The following SERF1B variants were observed in gnomAD, a reference collection of about 807,000 sequenced individuals.
The protein encoded by SERF1B is small EDRK-rich factor 1.
At chr5:70,036,512 A>C (rs1187295718) in intron 2 of SERF1B, among the ~76,000 whole-genome samples, 1 of 108,260 alleles carries the variant, frequency 9.2e-6, no homozygotes, top group Non-Finnish European at 1.8e-5. Flanking sequence ...ACCTGAACCC[A>C]GAAGGTCAAG....
At chr5:70,028,832 T>TGG (rs1239614609) in intron 2 of SERF1B, among the ~76,000 whole-genome samples, 2 of 139,538 alleles carry the variant, frequency 1.4e-5, no homozygotes, top group Non-Finnish European at 3.1e-5. Flanking sequence ...AAAAAATTAG[T>TGG]CGGGCGCAGT....
intron 2 of SERF1B, among the ~76,000 whole-genome samples, chr5:70,028,883 A>G (rs1199523104): frequency 6.7e-6 from 1 of 150,216 alleles, no homozygotes; most frequent in Non-Finnish European, 1.5e-5. Flanking sequence ...AGGCTGAGGC[A>G]GGAGACTGGC....
intron 2 of SERF1B, among the ~76,000 whole-genome samples, chr5:70,038,137 T>C (rs1293047090): frequency 6.8e-6 from 1 of 147,014 alleles, no homozygotes; most frequent in African/African-American, 2.6e-5. Context: ...CTGGCTATAA[T>C]TGACATAATC....
chr5:70,041,390 G>A, intron 2 of SERF1B, 134 bp from the exon 3 acceptor site: 1 of 692,260 alleles, frequency 1.4e-6, no homozygotes, highest in Non-Finnish European at 2.7e-6. Flanking sequence ...ACTTCTCTCA[G>A]TGCTCATGCA....
Position 70,041,754 on chromosome 5 carries a change from C to G in SERF1B, c.*14C>G. The G allele has an allele frequency of 3.4e-6, 2 of 586,904 alleles. No individual in the cohort carries two copies. The highest frequency in any genetic ancestry group is 3.0e-6 in the Non-Finnish European group (1 of 335,764). 36.4% of individuals were successfully genotyped at this position (586,904 alleles called of 1,614,324 possible). A position where few individuals can be genotyped will look rare whatever the true frequency, so the allele number is the denominator to read the frequency against. On this transcript the variant is annotated 3_prime_UTR_variant, in exon 3 of 3. Coordinates refer to ENST00000380750, the MANE Select transcript of SERF1B (RefSeq NM_022978.3). ...TGTTGGATTTAGGTTCCATTCTAAC[C>G]TAGGATGATCTCATTTGGAAATCCT...
intron 2 of SERF1B, among the ~76,000 whole-genome samples, chr5:70,036,656 C>CTCTCTCTCTCTCTT (rs1382517916): frequency 1.4e-3 from 212 of 150,446 alleles, no homozygotes; most frequent in African/African-American, 5.0e-3. Context: ...CTCTCTCTCT[C>CTCTCTCTCTCTCTT]TCTCTCTCAA....
At chr5:70,029,185 G>C (rs1315943033) in intron 2 of SERF1B, among the ~76,000 whole-genome samples, 4 of 151,450 alleles carry the variant, frequency 2.6e-5, no homozygotes, top group Non-Finnish European at 5.9e-5. Flanking sequence ...GCCCATGCTG[G>C]AGGGCAGTGG....
At chr5:70,038,250 G>C (rs1194890081) in intron 2 of SERF1B, among the ~76,000 whole-genome samples, 3 of 150,332 alleles carry the variant, frequency 2.0e-5, no homozygotes, top group African/African-American at 7.4e-5. Flanking sequence ...CACTCAAGGG[G>C]GCTGTTAGGG....
Position 70,042,270 on chromosome 5 carries a change from T to TA in SERF1B, c.*531dup. ...ACGCCCAGCTAATTTTTTGTATTCT[T>TA]AGTAGAGATGGGGTTTCACCATGTT... On this transcript the variant is annotated 3_prime_UTR_variant, in exon 3 of 3. Coordinates refer to ENST00000380750, the MANE Select transcript of SERF1B (RefSeq NM_022978.3). 1 of 59,620 alleles carries TA rather than the reference T, an allele frequency of 1.7e-5. No individual in the cohort carries two copies. Among genetic ancestry groups the TA allele is most frequent in the Non-Finnish European group, 3.6e-5 (1 of 27,696 alleles). 3.7% of individuals were successfully genotyped at this position (59,620 alleles called of 1,614,324 possible).
In SERF1B at chr5:70,036,691, G is replaced by A. The variant is rs565554377; in HGVS notation, c.117-4833G>A. On this transcript the variant is annotated intron_variant, in intron 2 of 2. Coordinates refer to ENST00000380750, the MANE Select transcript of SERF1B (RefSeq NM_022978.3). ...AAAACACTTGGTCTGTTATTTTTAC[G>A]AAATTGTCAGTCATAGTTATCTGTT... Among the ~76,000 whole-genome samples, 149 of 115,744 alleles carry A rather than the reference G, an allele frequency of 1.3e-3. 2 individuals carry two copies. Among genetic ancestry groups the A allele is most frequent in the Middle Eastern group, 5.6e-3 (1 of 180 alleles). 75.9% of individuals were successfully genotyped at this position (115,744 alleles called of 152,430 possible).
In SERF1B at chr5:70,036,629, A is replaced by ACTCTCTCTCTCTCTCTCT. The variant is rs1554065559; in HGVS notation, c.117-4877_117-4860dup. Reference sequence around the variant, plus strand: ...CACACACACACACACACACACACACACTCTCTCTCTCTCTCTCTCTCTCTC... The same window carrying ACTCTCTCTCTCTCTCTCT: ...CACACACACACACACACACACACACACTCTCTCTCTCTCTCTCTCTCTCTCTCTCTCTCTCTCTCTCTC... On this transcript the variant is annotated intron_variant, in intron 2 of 2. Coordinates refer to ENST00000380750, the MANE Select transcript of SERF1B (RefSeq NM_022978.3). Among the ~76,000 whole-genome samples the ACTCTCTCTCTCTCTCTCT allele has an allele frequency of 2.8e-3, 141 of 49,862 alleles. 1 individual carries two copies. The highest frequency in any genetic ancestry group is 9.4e-3 in the Admixed American group (43 of 4,568). 32.7% of individuals were successfully genotyped at this position (49,862 alleles called of 152,430 possible).
chr5:70,035,386 T>TTA (rs1423456519), intron 2 of SERF1B, among the ~76,000 whole-genome samples: 2,033 of 123,070 alleles, frequency 0.017, 11 homozygotes, highest in South Asian at 0.033. Flanking sequence ...TATTATTATT[T>TTA]TTTTTTTTTT....
At chr5:70,029,196 C>T (rs995092583) in intron 2 of SERF1B, among the ~76,000 whole-genome samples, 2 of 151,300 alleles carry the variant, frequency 1.3e-5, no homozygotes, top group Admixed American at 6.6e-5. Context: ...AGGGCAGTGG[C>T]GTGATCTCGG....
chr5:70,036,387 G>GA (rs1175903356), intron 2 of SERF1B, among the ~76,000 whole-genome samples: 1 of 85,690 alleles, frequency 1.2e-5, no homozygotes, highest in Non-Finnish European at 2.3e-5. Context: ...AGGAGTTTGA[G>GA]ACCAGCCTGG....
At chr5:70,036,629 A>ACACACACACACACACACTCTCT (rs763495681) in intron 2 of SERF1B, among the ~76,000 whole-genome samples, 1 of 49,838 alleles carries the variant, frequency 2.0e-5, no homozygotes, top group African/African-American at 6.7e-5. Context: ...ACACACACAC[A>ACACACACACACACACACTCTCT]CTCTCTCTCT....
intron 2 of SERF1B, chr5:70,029,648 C>G: frequency 2.5e-6 from 1 of 396,756 alleles, no homozygotes; most frequent in Admixed American, 3.3e-5. Flanking sequence ...TTAAACTGAA[C>G]TTAAAACAGC....
intron 2 of SERF1B, among the ~76,000 whole-genome samples, chr5:70,038,254 G>A (rs1174741134): frequency 6.7e-6 from 1 of 150,166 alleles, no homozygotes; most frequent in East Asian, 2.0e-4. Context: ...CAAGGGGGCT[G>A]TTAGGGTAGC....
chr5:70,035,380 A>ATTATTT (rs1304389016), intron 2 of SERF1B, among the ~76,000 whole-genome samples: 1 of 139,202 alleles, frequency 7.2e-6, no homozygotes, highest in African/African-American at 2.6e-5. Context: ...TATTATTATT[A>ATTATTT]TTATTTTTTT....
At chr5:70,028,939 C>T (rs1406400081) in intron 2 of SERF1B, among the ~76,000 whole-genome samples, 5 of 149,792 alleles carry the variant, frequency 3.3e-5, no homozygotes, top group South Asian at 2.1e-4. Context: ...ATCGCGCCAC[C>T]GCACTCCAGC....
Sources: gnomAD v4.1 joint callset for allele counts (sites outside exome capture counted in the v4.1 genomes callset) on GRCh38, gnomAD v4.1.1 for gene constraint, MANE v1.5 for transcripts, NCBI Gene and HGNC (gene_info 2026-07-23, HGNC 2026-07-21) for gene names.